The following PER2 variants were observed in gnomAD, a reference collection of about 807,000 sequenced individuals.
The protein encoded by PER2 is period circadian regulator 2.
Under a neutral mutation model 121.0 loss-of-function variants are expected in PER2, and 66 were observed. That is an observed-to-expected ratio of 0.55 (90% CI 0.45 to 0.67). PER2 has a LOEUF of 0.67. PER2 is among the 30% of genes least tolerant of loss of function. The pLI, the probability that PER2 is intolerant of heterozygous loss-of-function variation, is 0.00. For synonymous variants in PER2, 684 were observed against 659.9 expected, an observed-to-expected ratio of 1.04 and a Z score of -0.56; for missense variants, 1,521 against 1,635.0, an observed-to-expected ratio of 0.93 and a Z score of 1.20.
chr2:238,291,664 T>C (rs1184633256), upstream of PER2, among the ~76,000 whole-genome samples: 7 of 152,178 alleles, frequency 4.6e-5, no homozygotes, highest in Non-Finnish European at 1.0e-4. Context: ...GAGATGATAA[T>C]GCCCAACCCT....
In PER2 at chr2:238,253,869, C is replaced by T. The variant is rs956295862; in HGVS notation, c.2321-167G>A. On this transcript the variant is annotated intron_variant, in intron 18 of 22. Coordinates refer to ENST00000254657, the MANE Select transcript of PER2 (RefSeq NM_022817.3). The surrounding 1 kb of genome is among the most constrained non-coding windows in gnomAD (Gnocchi z 5.6). ...AGTGAGAAAAATCAGGGCAAAACAT[C>T]AGGTTTTTCCATAAAACTAAATTGA... Among the ~76,000 whole-genome samples, 1 of 152,152 alleles carries T rather than the reference C, an allele frequency of 6.6e-6. No individual in the cohort carries two copies. The highest frequency in any genetic ancestry group is 1.5e-5 in the Non-Finnish European group (1 of 68,030).
At chr2:238,266,061 G>A (rs112437574) in intron 8 of PER2, among the ~76,000 whole-genome samples, 14 of 152,050 alleles carry the variant, frequency 9.2e-5, no homozygotes, top group East Asian at 1.9e-4. Context: ...GTGCCACCAC[G>A]CCCAGCTAAT....
chr2:238,292,475 C>G (rs534190464), upstream of PER2, among the ~76,000 whole-genome samples: 2 of 152,152 alleles, frequency 1.3e-5, no homozygotes, highest in Non-Finnish European at 2.9e-5. Context: ...CCCTAGAGAT[C>G]ACAGAGCTGG....
the PER2 span, among the ~76,000 whole-genome samples, chr2:238,296,056 T>TGTGACCA: frequency 7.3e-6 from 1 of 137,228 alleles, no homozygotes; most frequent in Non-Finnish European, 1.6e-5. Flanking sequence ...TCGTGTGCCC[T>TGTGACCA]CCTGCTGCAG....
intron 11 of PER2, 79 bp from the exon 12 acceptor site, chr2:238,261,916 C>A: frequency 9.9e-7 from 1 of 1,012,180 alleles, no homozygotes; most frequent in South Asian, 1.4e-5. Context: ...CCACTACATG[C>A]TGCCTGCCTG....
upstream of PER2, among the ~76,000 whole-genome samples, chr2:238,294,690 G>C (rs1260464984): frequency 6.6e-6 from 1 of 152,208 alleles, no homozygotes; most frequent in East Asian, 1.9e-4. Flanking sequence ...ATGTCATCAA[G>C]GAGAAACCAC....
At chr2:238,250,481 A>G in intron 21 of PER2, 70 bp downstream of exon 21, 2 of 1,091,586 alleles carry the variant, frequency 1.8e-6, no homozygotes, top group Non-Finnish European at 1.4e-6. Flanking sequence ...AATGACCTTG[A>G]CCTTGTTGTT....
intron 13 of PER2, 103 bp from the exon 14 acceptor site, chr2:238,260,156 C>G (rs2106375536): frequency 1.5e-6 from 1 of 662,294 alleles, no homozygotes; most frequent in Non-Finnish European, 2.8e-6. Flanking sequence ...TTCAGCAACA[C>G]AGAAGGAAAC....
At chr2:238,285,837 C>T (rs1696766135) in intron 1 of PER2, among the ~76,000 whole-genome samples, 1 of 152,198 alleles carries the variant, frequency 6.6e-6, no homozygotes, top group Admixed American at 6.5e-5. Context: ...ACTGTCTCTG[C>T]AAGCCCTGCA....
Position 238,253,391 on chromosome 2 carries a change from C to T in PER2, c.2632G>A (p.Val878Met). The T allele has an allele frequency of 6.2e-7, 1 of 1,611,232 alleles. No individual in the cohort carries two copies. Among genetic ancestry groups the T allele is most frequent in the Non-Finnish European group, 8.5e-7 (1 of 1,178,128 alleles). ...TGGAGGTCCACGGGCACAGCAGGCACTGTGAAGCTGGCGTGGGGAGGTGCC... is the reference window on the plus strand; with the variant it reads ...TGGAGGTCCACGGGCACAGCAGGCATTGTGAAGCTGGCGTGGGGAGGTGCC... The part of the protein sequence containing the change: ...PPAPPHASFT[V>M]PAVPVDLQHQ... The change falls in exon 19 of 23, where the codon GTG (valine) becomes ATG (methionine). Residue 878 changes from valine (V) to methionine (M), a missense_variant. Coordinates refer to ENST00000254657, the MANE Select transcript of PER2 (RefSeq NM_022817.3). The surrounding 1 kb of genome is among the most constrained non-coding windows in gnomAD (Gnocchi z 5.6).
chr2:238,280,741 C>A (rs1163254499), intron 1 of PER2, among the ~76,000 whole-genome samples: 1 of 152,026 alleles, frequency 6.6e-6, no homozygotes, highest in African/African-American at 2.4e-5. Context: ...CTGAAAGAGA[C>A]GAGAACAATA....
chr2:238,293,429 T>A (rs1696995206), upstream of PER2, among the ~76,000 whole-genome samples: 1 of 152,132 alleles, frequency 6.6e-6, no homozygotes, highest in Admixed American at 6.5e-5. Flanking sequence ...ATCATGTCAC[T>A]TGAGAAAGGA....
rs1695643033 is a variant in PER2, at chr2:238,252,817, T to C, written c.3111+95A>G. ...CAGGGTTTGGTGGAAACCTCAATCG[T>C]GTAACCCCCATGTCTGAACTGAGGA... On this transcript the variant is annotated intron_variant, in intron 19 of 22. Transcript: ENST00000254657. The surrounding 1 kb of genome is among the most constrained non-coding windows in gnomAD (Gnocchi z 4.2). 5 of 1,091,318 alleles carry C rather than the reference T, an allele frequency of 4.6e-6. No individual in the cohort carries two copies. Among genetic ancestry groups the C allele is most frequent in the Admixed American group, 3.4e-5 (2 of 59,388 alleles). 67.6% of individuals were successfully genotyped at this position (1,091,318 alleles called of 1,614,324 possible). A position where few individuals can be genotyped will look rare whatever the true frequency, so the allele number is the denominator to read the frequency against.
chr2:238,274,473 C>G (rs1696390798), intron 4 of PER2, among the ~76,000 whole-genome samples: 1 of 152,234 alleles, frequency 6.6e-6, no homozygotes, highest in South Asian at 2.1e-4. Flanking sequence ...GAAACAGGCA[C>G]ATTTCTGAGT....
At chr2:238,289,178 A>G (rs1008070288), upstream of PER2, 1 of 152,182 alleles carries the variant, frequency 6.6e-6, no homozygotes, top group Non-Finnish European at 1.5e-5. Flanking sequence ...GGCGCGCCGA[A>G]GCCGGACGAG....
chr2:238,264,393 C>T (rs1267462007), intron 9 of PER2, among the ~76,000 whole-genome samples: 1 of 152,198 alleles, frequency 6.6e-6, no homozygotes, highest in Non-Finnish European at 1.5e-5. Context: ...CTGGAAGTGA[C>T]GGATCCCTTT....
chr2:238,293,532 C>T (rs1232800971), upstream of PER2, among the ~76,000 whole-genome samples: 3 of 151,904 alleles, frequency 2.0e-5, no homozygotes, highest in East Asian at 1.9e-4. Flanking sequence ...GTCAGGAGTT[C>T]GAGACCAGCC....
rs1349503173 is a variant in PER2, at chr2:238,273,105, C to T, written c.535G>A (p.Glu179Lys). Residue 179 changes from glutamate (E) to lysine (K), a missense_variant, in exon 5 of 23, where the codon GAG becomes AAG. Physicochemically the swap from Glu to Lys is moderately conservative, Grantham distance 56. Coordinates refer to ENST00000254657, the MANE Select transcript of PER2 (RefSeq NM_022817.3). ...ACAATGTGCTCAGAGGTAACGCTCT[C>T]CATCTCCTCCACGGTGTAGGAGGGC... The part of the protein sequence containing the change: ...DVPSYTVEEM[E>K]SVTSEHIVKN... 1.2e-6 allele frequency: 2 copies of T among 1,613,862 alleles called. No homozygotes were observed. Among genetic ancestry groups the T allele is most frequent in the Non-Finnish European group, 1.7e-6 (2 of 1,179,852 alleles).
chr2:238,295,690 C>G, the PER2 span: 1 of 137,408 alleles, frequency 7.3e-6, no homozygotes, highest in Non-Finnish European at 1.7e-5. Context: ...CAGCTGGGAG[C>G]GAAGACTGCC....
Sources: allele counts gnomAD v4.1 joint callset (sites outside exome capture counted in the v4.1 genomes callset), GRCh38; gene constraint gnomAD v4.1.1; non-coding constraint Gnocchi (gnomAD v3.1); transcripts MANE v1.5; gene names NCBI Gene and HGNC (gene_info 2026-07-23, HGNC 2026-07-21).